WWP1: variants seen among roughly 807,000 people sequenced by gnomAD.
The protein encoded by WWP1 is NEDD4-like E3 ubiquitin-protein ligase WWP1.
Under a neutral mutation model 130.6 loss-of-function variants are expected in WWP1, and 49 were observed. The ratio of observed to expected loss-of-function variants is 0.38; its 90% CI spans 0.30 to 0.48. The LOEUF (loss-of-function observed/expected upper bound fraction) is 0.48, where lower values mean the gene tolerates loss of function less well. Among genes scored for constraint, WWP1 ranks in the 20% least tolerant of loss-of-function variants. The probability of loss-of-function intolerance (pLI) is 0.99; values close to 1 mark genes in which losing one functional copy is unlikely to be tolerated. For synonymous variants in WWP1, 332 were observed against 367.8 expected, an observed-to-expected ratio of 0.90 and a Z score of 1.11; for missense variants, 809 against 1,100.6, an observed-to-expected ratio of 0.74 and a Z score of 3.75.
At chr8:86,396,140 C>T (rs1454316391) in intron 5 of WWP1, among the ~76,000 whole-genome samples, 1 of 151,826 alleles carries the variant, frequency 6.6e-6, no homozygotes, top group African/African-American at 2.4e-5. Context: ...GGTCTGTCAC[C>T]CAGGCTGGAG....
chr8:86,405,685 C>A (rs1190722879), intron 8 of WWP1, among the ~76,000 whole-genome samples: 4 of 152,172 alleles, frequency 2.6e-5, no homozygotes, highest in South Asian at 2.1e-4. Context: ...GCATGTGCCA[C>A]CATGCCTGTC....
chr8:86,389,873 C>T (rs1360067052), intron 5 of WWP1, among the ~76,000 whole-genome samples: 2 of 150,336 alleles, frequency 1.3e-5, no homozygotes, highest in African/African-American at 4.9e-5. Context: ...GCTGGCCGGG[C>T]GGGGGCTGCC....
chr8:86,414,605 G>C (rs1337080487), intron 9 of WWP1, among the ~76,000 whole-genome samples: 1 of 152,098 alleles, frequency 6.6e-6, no homozygotes, highest in African/African-American at 2.4e-5. Context: ...GTTTTCTTTT[G>C]TTTGGTAACT....
intron 8 of WWP1, 80 bp from the exon 9 acceptor site, chr8:86,411,458 A>T: frequency 7.8e-7 from 1 of 1,284,518 alleles, no homozygotes; most frequent in Non-Finnish European, 1.1e-6. Flanking sequence ...TTAGGCTCTG[A>T]ATAAGTGTAG....
At chr8:86,425,450 TAATG>T (rs1809565481) in intron 10 of WWP1, 132 bp downstream of exon 10, 1 of 567,068 alleles carries the variant, frequency 1.8e-6, no homozygotes. Flanking sequence ...CTTATATAAA[TAATG>T]AATGTTCAGT....
At chr8:86,464,026 A>G (rs113399328) in intron 24 of WWP1, among the ~76,000 whole-genome samples, 8,218 of 152,090 alleles carry the variant, frequency 0.054, 378 homozygotes, top group African/African-American at 0.12. Flanking sequence ...ACACCACTGC[A>G]CTCCAGTCTG....
In WWP1 at chr8:86,450,363, A is replaced by G. The variant is rs180772068; in HGVS notation, c.2273+1850A>G. Among the ~76,000 whole-genome samples the G allele has an allele frequency of 2.6e-5, 4 of 152,328 alleles. No individual in the cohort carries two copies. In the East Asian group the frequency reaches 7.7e-4, roughly 29 times the overall value. On this transcript the variant is annotated intron_variant, in intron 20 of 24. Coordinates refer to ENST00000517970, the MANE Select transcript of WWP1 (RefSeq NM_007013.4). ...TGTGCATTTATTACGCTAGTTGGAAAAAAACAGTAACACTATATTTTGAGG... is the reference window on the plus strand; with the variant it reads ...TGTGCATTTATTACGCTAGTTGGAAGAAAACAGTAACACTATATTTTGAGG...
rs572414322 is a variant in WWP1 at position 86,446,245 on chromosome 8, G to T, written c.1999-1903G>T. Among the ~76,000 whole-genome samples the T allele has an allele frequency of 1.4e-4, 22 of 152,236 alleles. 2 individuals are homozygous for T. Among genetic ancestry groups the T allele is most frequent in the African/African-American group, 4.3e-4 (18 of 41,554 alleles). On this transcript the variant is annotated intron_variant, in intron 18 of 24. Coordinates refer to ENST00000517970, the MANE Select transcript of WWP1 (RefSeq NM_007013.4). Reference sequence around the variant, plus strand: ...GATCCGCCAACCTCGGCCTCCCCAAGTGCTGGGATTACAGGCGTGAGCCAC... The same window carrying T: ...GATCCGCCAACCTCGGCCTCCCCAATTGCTGGGATTACAGGCGTGAGCCAC...
intron 3 of WWP1, among the ~76,000 whole-genome samples, chr8:86,377,873 A>C (rs1824763978): frequency 6.6e-6 from 1 of 152,108 alleles, no homozygotes; most frequent in Non-Finnish European, 1.5e-5. Flanking sequence ...TTCACTTTTT[A>C]AAGTAAAAGT....
At chr8:86,362,132 A>G (rs1026179469) in intron 1 of WWP1, among the ~76,000 whole-genome samples, 52 of 139,770 alleles carry the variant, frequency 3.7e-4, no homozygotes, top group Non-Finnish European at 2.1e-4. Flanking sequence ...AGGCATATGT[A>G]TATATATACT....
intron 18 of WWP1, among the ~76,000 whole-genome samples, chr8:86,445,674 A>G (rs2130733941): frequency 6.6e-6 from 1 of 152,298 alleles, no homozygotes; most frequent in Non-Finnish European, 1.5e-5. Flanking sequence ...ATCTATACCC[A>G]GTAATGGGAT....
chr8:86,463,563 C>CTT (rs1811881437), intron 24 of WWP1, among the ~76,000 whole-genome samples: 1 of 151,980 alleles, frequency 6.6e-6, no homozygotes, highest in African/African-American at 2.4e-5. Context: ...GCCTTGGCCT[C>CTT]GCAAAGTGCT....
intron 5 of WWP1, among the ~76,000 whole-genome samples, chr8:86,393,785 A>G (rs1807486656): frequency 6.6e-6 from 1 of 152,206 alleles, no homozygotes; most frequent in African/African-American, 2.4e-5. Context: ...AAGCATTCAT[A>G]CCTTCTGGGT....
At chr8:86,419,938 A>G (rs188230207) in intron 9 of WWP1, among the ~76,000 whole-genome samples, 10 of 152,330 alleles carry the variant, frequency 6.6e-5, no homozygotes, top group African/African-American at 2.2e-4. Flanking sequence ...CATGCCTTAA[A>G]TGCTGAAGGA....
intron 5 of WWP1, among the ~76,000 whole-genome samples, chr8:86,394,315 G>T (rs41469550): frequency 0.73 from 111,021 of 152,066 alleles, 41,385 homozygotes; most frequent in African/African-American, 0.82. Flanking sequence ...TAAGGAAGAA[G>T]GTCTAGGAGG....
chr8:86,433,592 A>G (rs1291621308), intron 14 of WWP1, among the ~76,000 whole-genome samples: 4 of 151,600 alleles, frequency 2.6e-5, no homozygotes, highest in African/African-American at 9.7e-5. Context: ...ACCCAGCTCT[A>G]CCTGTGATAT....
Position 86,452,661 on chromosome 8 carries a change from C to T in WWP1, c.2376C>T (p.Phe792=), listed in dbSNP as rs765606928. Residue 792 remains phenylalanine, a synonymous_variant, in exon 21 of 25, where the codon TTC becomes TTT. Transcript: ENST00000517970. ...EVVPLQWLQY[F]DEKELEVMLC... The stretch of plus-strand genomic sequence containing the variant: ...TTCCTCTTCAGTGGCTACAGTACTT[C>T]GATGAAAAAGAATTAGAGGTTAGGC... 29 of 1,612,456 alleles carry T rather than the reference C, an allele frequency of 1.8e-5. No homozygotes were observed. Among genetic ancestry groups the T allele is most frequent in the Middle Eastern group, 1.6e-4 (1 of 6,072 alleles).
chr8:86,393,067 T>A (rs1807447060), intron 5 of WWP1, among the ~76,000 whole-genome samples: 1 of 152,230 alleles, frequency 6.6e-6, no homozygotes, highest in African/African-American at 2.4e-5. Flanking sequence ...TGTTTATTAG[T>A]CATTCATACT....
At chr8:86,443,228 A>G (rs1036175815) in intron 18 of WWP1, among the ~76,000 whole-genome samples, 10 of 151,934 alleles carry the variant, frequency 6.6e-5, no homozygotes, top group African/African-American at 2.4e-4. Context: ...TCACACCACC[A>G]TGCCAGCTAA....
Sources: gnomAD v4.1 joint callset for allele counts (sites outside exome capture counted in the v4.1 genomes callset) on GRCh38, gnomAD v4.1.1 for gene constraint, MANE v1.5 for transcripts, NCBI Gene and HGNC (gene_info 2026-07-23, HGNC 2026-07-21) for gene names.